The following NAALADL2 variants were observed in gnomAD, a reference collection of about 807,000 sequenced individuals.
The protein encoded by NAALADL2 is N-acetylated alpha-linked acidic dipeptidase like 2.
In NAALADL2, 76 loss-of-function variants were observed where a neutral mutation model predicts 87.2. That is an observed-to-expected ratio of 0.87 (90% CI 0.72 to 1.05). The LOEUF is 1.05. Ranked by LOEUF, NAALADL2 falls within the 50% of genes least tolerant of loss-of-function variation. The probability of loss-of-function intolerance (pLI) is 0.00; values close to 1 mark genes in which losing one functional copy is unlikely to be tolerated. For synonymous variants in NAALADL2, 354 were observed against 331.0 expected (o/e 1.07, Z -0.75); for missense variants, 1,089 against 945.8 (o/e 1.15, Z -1.99).
chr3:174,542,711 A>G (rs1477491297), intron 1 of NAALADL2, among the ~76,000 whole-genome samples: 4 of 152,106 alleles, frequency 2.6e-5, no homozygotes, highest in Admixed American at 1.3e-4. Flanking sequence ...ACAGATGTTG[A>G]CATTTCATTT....
intron 2 of NAALADL2, among the ~76,000 whole-genome samples, chr3:174,639,713 A>G (rs556087764): frequency 6.6e-6 from 1 of 152,304 alleles, no homozygotes; most frequent in Non-Finnish European, 1.5e-5. Flanking sequence ...TCCGAAAAGA[A>G]TTTTGAAAAA....
chr3:175,582,510 A>T (rs1431860129), intron 10 of NAALADL2, among the ~76,000 whole-genome samples: 2 of 152,196 alleles, frequency 1.3e-5, no homozygotes, highest in African/African-American at 4.8e-5. Context: ...AAGCCTTTTT[A>T]AAAATAATTT....
intron 1 of NAALADL2, among the ~76,000 whole-genome samples, chr3:174,530,750 C>T (rs186978766): frequency 1.3e-5 from 2 of 152,150 alleles, no homozygotes; most frequent in African/African-American, 4.8e-5. Flanking sequence ...TACTTACCCC[C>T]CACCGGGTCC....
At chr3:175,144,446 G>C (rs1730468593) in intron 2 of NAALADL2, among the ~76,000 whole-genome samples, 1 of 151,858 alleles carries the variant, frequency 6.6e-6, no homozygotes, top group Admixed American at 6.6e-5. Flanking sequence ...GTTGAGTTTT[G>C]TGTTTATTTT....
intron 1 of NAALADL2, among the ~76,000 whole-genome samples, chr3:174,953,794 C>T (rs1393987464): frequency 6.6e-6 from 1 of 152,022 alleles, no homozygotes; most frequent in Non-Finnish European, 1.5e-5. Flanking sequence ...AGGTGCGTGA[C>T]TACTCCATAT....
At chr3:175,407,184 A>G (rs375516343) in intron 5 of NAALADL2, among the ~76,000 whole-genome samples, 243 of 152,284 alleles carry the variant, frequency 1.6e-3, no homozygotes, top group African/African-American at 5.5e-3. Context: ...ACTCCATCTG[A>G]AAAAAATAAA....
At chr3:175,119,702 T>TAGATATAGATATAGATAC (rs1725830452) in intron 2 of NAALADL2, among the ~76,000 whole-genome samples, 1 of 147,866 alleles carries the variant, frequency 6.8e-6, no homozygotes, top group Non-Finnish European at 1.5e-5. Context: ...TATATAGATA[T>TAGATATAGATATAGATAC]AGATATAGAT....
intron 9 of NAALADL2, among the ~76,000 whole-genome samples, chr3:175,544,980 C>T (rs1455158046): frequency 6.6e-6 from 1 of 152,102 alleles, no homozygotes; most frequent in African/African-American, 2.4e-5. Context: ...AAGATTCTTT[C>T]GATGGATGGT....
intron 10 of NAALADL2, among the ~76,000 whole-genome samples, chr3:175,592,113 T>A (rs1007251281): frequency 6.6e-6 from 1 of 152,026 alleles, no homozygotes; most frequent in Non-Finnish European, 1.5e-5. Context: ...AATCATCCGT[T>A]GATTGGCTAC....
At chr3:175,202,294 G>C (rs569415819) in intron 2 of NAALADL2, among the ~76,000 whole-genome samples, 1 of 152,086 alleles carries the variant, frequency 6.6e-6, no homozygotes, top group African/African-American at 2.4e-5. Flanking sequence ...TCCAGACAAG[G>C]CAGTTCTGTT....
chr3:175,412,995 C>G (rs963639721), intron 5 of NAALADL2, among the ~76,000 whole-genome samples: 1 of 148,972 alleles, frequency 6.7e-6, no homozygotes, highest in Non-Finnish European at 1.5e-5. Context: ...CTGGGCTCAC[C>G]TCAAGCTCCG....
intron 3 of NAALADL2, among the ~76,000 whole-genome samples, chr3:174,777,121 C>T (rs1560216035): frequency 6.6e-6 from 1 of 152,182 alleles, no homozygotes; most frequent in Non-Finnish European, 1.5e-5. Flanking sequence ...CAACAATTTC[C>T]TCCTTGATAT....
At chr3:174,998,123 A>T (rs1263371624) in intron 1 of NAALADL2, among the ~76,000 whole-genome samples, 1 of 152,220 alleles carries the variant, frequency 6.6e-6, no homozygotes, top group Admixed American at 6.5e-5. Context: ...GTTTTCTATA[A>T]TTATAATAGC....
chr3:174,533,457 T>G (rs1721431691), intron 1 of NAALADL2, among the ~76,000 whole-genome samples: 1 of 152,172 alleles, frequency 6.6e-6, no homozygotes, highest in Non-Finnish European at 1.5e-5. Context: ...TCCTAATACA[T>G]GTTGCTCTCT....
intron 2 of NAALADL2, among the ~76,000 whole-genome samples, chr3:175,146,751 A>G (rs913491018): frequency 6.6e-6 from 1 of 152,136 alleles, no homozygotes; most frequent in Non-Finnish European, 1.5e-5. Context: ...AAAACCAATT[A>G]CTTGACTATT....
chr3:175,775,420 GCTA>G (rs1750092334), intron 13 of NAALADL2, among the ~76,000 whole-genome samples: 1 of 151,928 alleles, frequency 6.6e-6, no homozygotes, highest in Non-Finnish European at 1.5e-5. Flanking sequence ...TCACCTTATA[GCTA>G]CTAAACTTCT....
intron 2 of NAALADL2, among the ~76,000 whole-genome samples, chr3:174,555,789 A>G (rs1712721777): frequency 6.6e-6 from 1 of 152,090 alleles, no homozygotes; most frequent in South Asian, 2.1e-4. Flanking sequence ...CTTACTACCT[A>G]CTTTCAGGTC....
At chr3:174,706,018 A>C (rs1276800877) in intron 2 of NAALADL2, among the ~76,000 whole-genome samples, 1 of 152,142 alleles carries the variant, frequency 6.6e-6, no homozygotes, top group Non-Finnish European at 1.5e-5. Context: ...ATTTCTCTCT[A>C]CGTGATCAAC....
intron 9 of NAALADL2, among the ~76,000 whole-genome samples, chr3:175,538,354 C>T (rs6789307): frequency 0.032 from 4,838 of 151,494 alleles, 146 homozygotes; most frequent in African/African-American, 0.078. Flanking sequence ...TTTTTTCCTC[C>T]TTAAGTAAAG....
Sources: allele counts gnomAD v4.1 joint callset (sites outside exome capture counted in the v4.1 genomes callset), GRCh38; gene constraint gnomAD v4.1.1; transcripts MANE v1.5; gene names NCBI Gene and HGNC (gene_info 2026-07-23, HGNC 2026-07-21).